Variants in FN1 observed in about 807,000 individuals in gnomAD.
FN1 encodes fibronectin 1.
A neutral mutation model predicts 297.3 loss-of-function variants in FN1; 106 were observed. The ratio of observed to expected loss-of-function variants is 0.36; its 90% CI spans 0.30 to 0.42. FN1 has a LOEUF of 0.42. FN1 is among the 10% of genes least tolerant of loss of function. The pLI, the probability that FN1 is intolerant of heterozygous loss-of-function variation, is 1.00. For synonymous variants in FN1, 1,149 were observed against 1,152.6 expected, an observed-to-expected ratio of 1.00 and a Z score of 0.06; for missense variants, 2,690 against 3,124.9, an observed-to-expected ratio of 0.86 and a Z score of 3.32.
At chr2:215,402,886 C>T (rs748683365) in intron 20 of FN1, among the ~76,000 whole-genome samples, 6 of 152,076 alleles carry the variant, frequency 3.9e-5, no homozygotes, top group Non-Finnish European at 7.4e-5. Flanking sequence ...TATCTTGGCC[C>T]ACCACCTTCC....
At chr2:215,373,182 A>G in intron 39 of FN1, 140 bp downstream of exon 39, 1 of 683,492 alleles carries the variant, frequency 1.5e-6, no homozygotes, top group Non-Finnish European at 2.6e-6. Context: ...TAAAGAATAC[A>G]ATATATACAC....
At chr2:215,422,420 T>C (rs1479819356) in intron 9 of FN1, among the ~76,000 whole-genome samples, 177 bp from the exon 10 acceptor site, 1 of 152,192 alleles carries the variant, frequency 6.6e-6, no homozygotes, top group African/African-American at 2.4e-5. Context: ...TTTTGAGCCC[T>C]GGAGGCAGAA....
At chr2:215,401,231 A>AAGGAAGG (rs1559474823) in intron 20 of FN1, among the ~76,000 whole-genome samples, 11 of 57,890 alleles carry the variant, frequency 1.9e-4, no homozygotes, top group African/African-American at 6.9e-4. Flanking sequence ...AGAAAGAAAG[A>AAGGAAGG]AAGAAAGAAA....
Position 215,384,215 on chromosome 2 carries a change from AG to A in FN1, c.4730-32del, listed in dbSNP as rs1339592133. 8 of 1,608,444 alleles carry A rather than the reference AG, an allele frequency of 5.0e-6. No individual in the cohort carries two copies. The African/African-American group carries it at 1.1e-4, about 22-fold the overall frequency. ...TGAAAAAGGGTTAGTTCAGAGTGTG[AG>A]GGGTTTAGAGCTACTTGGGTATTAC... On this transcript the variant is annotated intron_variant, in intron 29 of 45. Transcript: ENST00000354785.
chr2:215,406,649 A>G, intron 18 of FN1, 139 bp from the exon 19 acceptor site: 8 of 859,224 alleles, frequency 9.3e-6, no homozygotes, highest in Non-Finnish European at 1.3e-5. Context: ...TAATCAGATC[A>G]CATTTTCATG....
At chr2:215,414,706 A>G (rs2063184636) in intron 13 of FN1, 131 bp downstream of exon 13, 1 of 1,466,370 alleles carries the variant, frequency 6.8e-7, no homozygotes, top group African/African-American at 1.4e-5. Context: ...TTTGTTCACT[A>G]AACAAATATA....
intron 11 of FN1, among the ~76,000 whole-genome samples, chr2:215,420,400 A>G (rs964354504): frequency 1.3e-5 from 2 of 152,140 alleles, no homozygotes; most frequent in African/African-American, 2.4e-5. Flanking sequence ...TTTTAATAGC[A>G]TGGATTATCT....
At position 215,409,610 on chromosome 2, in the gene FN1, C is replaced by T. The variant is rs746400023; in HGVS notation, c.2252G>A (p.Arg751Gln). 34 of 1,613,852 alleles carry T rather than the reference C, an allele frequency of 2.1e-5. No homozygotes were observed. Among genetic ancestry groups the T allele is most frequent in the African/African-American group, 2.7e-5 (2 of 74,866 alleles). Residue 751 changes from arginine (R) to glutamine (Q), a missense_variant, in exon 15 of 46, where the codon CGG becomes CAG. Physicochemically the swap from Arg to Gln is conservative, Grantham distance 43. Transcript: ENST00000354785. Reference sequence around the variant, plus strand: ...CTCCTCACTCAGCTCATATTCCACCCGGAATCCCGACACGGTGTCGGAAGC... The same window carrying T: ...CTCCTCACTCAGCTCATATTCCACCTGGAATCCCGACACGGTGTCGGAAGC... ...VSASDTVSGFRVEYELSEEGD... is the reference protein window; with the variant it reads ...VSASDTVSGFQVEYELSEEGD...
chr2:215,392,834 C>T, intron 25 of FN1, 97 bp downstream of exon 25: 1 of 1,407,232 alleles, frequency 7.1e-7, no homozygotes, highest in Non-Finnish European at 1.0e-6. Flanking sequence ...TGGCCAATTG[C>T]TGACTTCCCC....
intron 39 of FN1, 116 bp downstream of exon 39, chr2:215,373,206 A>G (rs2289199): frequency 1.3e-6 from 1 of 793,282 alleles, no homozygotes; most frequent in Admixed American, 1.8e-5. Context: ...GCTGTTAGAT[A>G]AAAAAAATCA....
rs752013950 is a variant in FN1 at position 215,375,323 on chromosome 2, C to T, written c.6048G>A (p.Pro2016=). The change falls in exon 38 of 46, where the codon CCG becomes CCA. Residue 2016 remains proline (P), a synonymous_variant. Coordinates refer to ENST00000354785, the MANE Select transcript of FN1 (RefSeq NM_212482.4). Reference sequence around the variant, plus strand: ...TGTAGCCGGTAATCCTGGCACGTGGCGGCTGCCATGATACCAGCAAGGAAT... The same window carrying T: ...TGTAGCCGGTAATCCTGGCACGTGGTGGCTGCCATGATACCAGCAAGGAAT... The part of the protein sequence containing the change: ...TPNSLLVSWQ[P]PRARITGYII... 1.4e-5 allele frequency: 23 copies of T among 1,613,946 alleles called. No homozygotes were observed. Among genetic ancestry groups the T allele is most frequent in the Non-Finnish European group, 1.4e-5 (16 of 1,179,998 alleles).
rs145436721 is a variant in FN1 at position 215,372,116 on chromosome 2, C to T, written c.6507G>A (p.Pro2169=). ...PIRHRPRPYP[P]NVGEEIQIGH... ...CAATTTGGATTTCCTCACCTACATTCGGCGGGTATGGTCTTGGCCTATGCC... is the reference window on the plus strand; with the variant it reads ...CAATTTGGATTTCCTCACCTACATTTGGCGGGTATGGTCTTGGCCTATGCC... The change falls in exon 40 of 46, where the codon CCG becomes CCA. Residue 2169 remains proline, a synonymous_variant. Transcript: ENST00000354785. 1.2e-4 allele frequency: 189 copies of T among 1,614,082 alleles called. 1 individual carries two copies. The Middle Eastern group carries it at 1.6e-3, about 14-fold the overall frequency.
At chr2:215,425,617 G>C (rs571872277) in intron 6 of FN1, among the ~76,000 whole-genome samples, 1 of 151,670 alleles carries the variant, frequency 6.6e-6, no homozygotes, top group East Asian at 2.0e-4. Flanking sequence ...CAGTGGCGCG[G>C]TCTCGGCTCA....
chr2:215,393,493 A>G (rs953096672), intron 24 of FN1: 2 of 157,362 alleles, frequency 1.3e-5, no homozygotes, highest in African/African-American at 4.8e-5. Flanking sequence ...TGAACTGTTC[A>G]GATTCCTAAA....
chr2:215,384,007 T>G lies in FN1; in HGVS notation c.4894+13A>C. 6.2e-7 allele frequency: 1 copy of G among 1,613,542 alleles called. No individual in the cohort carries two copies. The highest frequency in any genetic ancestry group is 8.5e-7 in the Non-Finnish European group (1 of 1,179,708). ...AGTAAAAGCTGGTGTCACCCCAGAG[T>G]AGAAGTTTGTACCTGTTCGGTAATT... is the stretch of plus-strand genomic sequence containing the variant. On this transcript the variant is annotated intron_variant, in intron 30 of 45. Transcript: ENST00000354785.
At chr2:215,422,827 G>T (rs963072779) in intron 9 of FN1, among the ~76,000 whole-genome samples, 1 of 151,974 alleles carries the variant, frequency 6.6e-6, no homozygotes, top group Non-Finnish European at 1.5e-5. Context: ...CCATTTGTTC[G>T]CCATCTATAC....
At chr2:215,377,248 G>C (rs1304638747) in intron 35 of FN1, among the ~76,000 whole-genome samples, 1 of 152,098 alleles carries the variant, frequency 6.6e-6, no homozygotes, top group Non-Finnish European at 1.5e-5. Flanking sequence ...CAGAAGACTA[G>C]AATCTAAGCC....
intron 5 of FN1, among the ~76,000 whole-genome samples, chr2:215,428,674 C>G (rs1016921846): frequency 4.6e-5 from 7 of 152,102 alleles, no homozygotes; most frequent in African/African-American, 1.2e-4. Context: ...CAGGATTTTT[C>G]TTAGTCATCA....
rs2058696276 is a variant in FN1, at chr2:215,384,845, A to G, written c.4729+15T>C. ...TGATTTAATCAGAGTGTAAAATAGC[A>G]TTTTACTGCTGTACCTGTCTCTCCG... On this transcript the variant is annotated intron_variant, in intron 29 of 45. Transcript: ENST00000354785. 1 of 1,494,548 alleles carries G rather than the reference A, an allele frequency of 6.7e-7. No individual in the cohort carries two copies. The highest frequency in any genetic ancestry group is 1.4e-5 in the African/African-American group (1 of 72,898). The allele number at this position is 1,494,548 out of a possible 1,614,324, so 92.6% of individuals were successfully genotyped here. A position where few individuals can be genotyped will look rare whatever the true frequency, so the allele number is the denominator to read the frequency against.
Sources: allele counts gnomAD v4.1 joint callset (sites outside exome capture counted in the v4.1 genomes callset), GRCh38; gene constraint gnomAD v4.1.1; transcripts MANE v1.5; gene names NCBI Gene and HGNC (gene_info 2026-07-23, HGNC 2026-07-21).